The following ADAM2 variants were observed in gnomAD, a reference collection of about 807,000 sequenced individuals.
ADAM2 encodes disintegrin and metalloproteinase domain-containing protein 2.
A neutral mutation model predicts 99.3 loss-of-function variants in ADAM2; 101 were observed. That is an observed-to-expected ratio of 1.02 (90% CI 0.87 to 1.20). The LOEUF is 1.20. Ranked by LOEUF, ADAM2 falls within the 50% of genes most tolerant of loss-of-function variation. ADAM2 has a pLI of 0.00. For missense variants in ADAM2, 948 were observed against 878.7 expected (o/e 1.08, Z -1.00); for synonymous variants, 323 against 287.6 (o/e 1.12, Z -1.25).
At chr8:39,812,444 C>A (rs1804744426) in intron 6 of ADAM2, among the ~76,000 whole-genome samples, 1 of 151,896 alleles carries the variant, frequency 6.6e-6, no homozygotes, top group Admixed American at 6.6e-5. Context: ...TCATATGGAA[C>A]CAAAAATGAG....
Position 39,808,303 on chromosome 8 carries a change from CA to C in ADAM2, c.570+1106del, listed in dbSNP as rs1250819836. ...TTTTTTACACTACCAAATGAACAAT[CA>C]AAATGAAAATATGAGAAGTAATCAT... On this transcript the variant is annotated intron_variant, in intron 7 of 20. Coordinates refer to ENST00000265708, the MANE Select transcript of ADAM2 (RefSeq NM_001464.5). Among the ~76,000 whole-genome samples the C allele has an allele frequency of 4.8e-5, 7 of 144,654 alleles. No individual in the cohort carries two copies. In the Admixed American group the frequency reaches 5.1e-4, roughly 10 times the overall value. The allele number at this position is 144,654 out of a possible 152,430, so 94.9% of individuals were successfully genotyped here. A position where few individuals can be genotyped will look rare whatever the true frequency, so the allele number is the denominator to read the frequency against.
intron 6 of ADAM2, chr8:39,818,047 AGAG>A (rs1805025596): frequency 1.3e-5 from 2 of 152,056 alleles, no homozygotes; most frequent in South Asian, 4.1e-4. Context: ...CTTCCAGAAT[AGAG>A]GAGACAACAC....
At chr8:39,779,374 AT>A (rs1389561279) in intron 10 of ADAM2, among the ~76,000 whole-genome samples, 6 of 152,096 alleles carry the variant, frequency 3.9e-5, no homozygotes, top group African/African-American at 1.4e-4. Context: ...GTCCTATTGA[AT>A]TAGAGCCCCC....
At chr8:39,790,679 C>A (rs1233292281) in intron 7 of ADAM2, among the ~76,000 whole-genome samples, 1 of 151,928 alleles carries the variant, frequency 6.6e-6, no homozygotes, top group African/African-American at 2.4e-5. Context: ...CATAGTTTAA[C>A]ATCATAAAAT....
intron 6 of ADAM2, among the ~76,000 whole-genome samples, chr8:39,817,657 C>T (rs545284104): frequency 2.0e-5 from 3 of 151,912 alleles, no homozygotes; most frequent in East Asian, 1.9e-4. Context: ...TGATTTAAAA[C>T]GTTTAAAAAC....
chr8:39,780,461 G>T (rs978778709), intron 10 of ADAM2, among the ~76,000 whole-genome samples: 1 of 152,054 alleles, frequency 6.6e-6, no homozygotes, highest in African/African-American at 2.4e-5. Flanking sequence ...TAATATGTGG[G>T]TTATCTCATC....
At chr8:39,760,731 T>C (rs1037117861) in intron 15 of ADAM2, among the ~76,000 whole-genome samples, 2 of 133,148 alleles carry the variant, frequency 1.5e-5, no homozygotes, top group Non-Finnish European at 3.1e-5. Context: ...AAAAATAAAA[T>C]AAAAAAATAA....
rs1803022695 is a variant in ADAM2 at position 39,777,148 on chromosome 8, A to C, written c.905T>G (p.Ile302Arg). 6.2e-7 allele frequency: 1 copy of C among 1,611,202 alleles called. No individual in the cohort carries two copies. Among genetic ancestry groups the C allele is most frequent in the East Asian group, 2.2e-5 (1 of 44,790 alleles). Residue 302 changes from isoleucine to arginine, a missense_variant, in exon 11 of 21, where the codon ATA becomes AGA. By Grantham distance (97) the Ile-to-Arg change is moderately conservative (BLOSUM62 -3). Coordinates refer to ENST00000265708, the MANE Select transcript of ADAM2 (RefSeq NM_001464.5). ...AATAACTGCAAGTGATTCCAGACTT[A>C]TGGTTCTGGGGTGCTGAGAAAAAAA... ...AGGVVLHPRT[I>R]SLESLAVILA...
chr8:39,836,905 C>T (rs1349251304), intron 2 of ADAM2, among the ~76,000 whole-genome samples: 1 of 152,156 alleles, frequency 6.6e-6, no homozygotes, highest in African/African-American at 2.4e-5. Context: ...AAGAGGAAGA[C>T]AGATTCAGAA....
intron 7 of ADAM2, among the ~76,000 whole-genome samples, chr8:39,792,152 G>T (rs1803742408): frequency 6.6e-6 from 1 of 151,048 alleles, no homozygotes; most frequent in African/African-American, 2.4e-5. Flanking sequence ...ACATTCTAAA[G>T]TATCCAGTAC....
At chr8:39,763,354 G>T (rs982375132) in intron 14 of ADAM2, among the ~76,000 whole-genome samples, 4 of 152,178 alleles carry the variant, frequency 2.6e-5, no homozygotes, top group Non-Finnish European at 5.9e-5. Flanking sequence ...TGCATCCTGG[G>T]ATACTGGTTA....
At chr8:39,812,137 A>G (rs1804728542) in intron 6 of ADAM2, among the ~76,000 whole-genome samples, 1 of 152,210 alleles carries the variant, frequency 6.6e-6, no homozygotes, top group African/African-American at 2.4e-5. Context: ...AATAACAGAC[A>G]AACAGAGAGC....
At chr8:39,817,658 G>T (rs565283614) in intron 6 of ADAM2, among the ~76,000 whole-genome samples, 1 of 151,790 alleles carries the variant, frequency 6.6e-6, no homozygotes, top group Non-Finnish European at 1.5e-5. Context: ...GATTTAAAAC[G>T]TTTAAAAACT....
intron 8 of ADAM2, 84 bp from the exon 9 acceptor site, chr8:39,788,335 T>A (rs886672620): frequency 4.7e-6 from 4 of 857,044 alleles, no homozygotes; most frequent in Non-Finnish European, 6.7e-6. Flanking sequence ...AAATTTATGA[T>A]AAATATTAAA....
chr8:39,749,838 C>G lies in ADAM2; in HGVS notation c.1798-94G>C, dbSNP rs1349671347. ...CCATACCATACCATATTACCATGGA[C>G]TAATAAAAAGGGTATTGATTTAGCA... On this transcript the variant is annotated intron_variant, in intron 16 of 20. Transcript: ENST00000265708. 5.7e-6 allele frequency: 5 copies of G among 872,104 alleles called. No homozygotes were observed. The African/African-American group carries it at 6.8e-5, about 12-fold the overall frequency. The allele number at this position is 872,104 out of a possible 1,614,324, so 54.0% of individuals were successfully genotyped here. A position where few individuals can be genotyped will look rare whatever the true frequency, so the allele number is the denominator to read the frequency against.
chr8:39,812,152 T>A (rs1196539693), intron 6 of ADAM2, among the ~76,000 whole-genome samples: 2 of 152,120 alleles, frequency 1.3e-5, no homozygotes, highest in Non-Finnish European at 2.9e-5. Flanking sequence ...GAGAGCCAAA[T>A]CATGAGTAAA....
chr8:39,815,332 A>G (rs1804896498), intron 6 of ADAM2, among the ~76,000 whole-genome samples: 1 of 152,204 alleles, frequency 6.6e-6, no homozygotes, highest in Non-Finnish European at 1.5e-5. Flanking sequence ...ACATAATAAA[A>G]TGATTAATGG....
At position 39,755,781 on chromosome 8, in the gene ADAM2, C is replaced by A. The variant is rs752420702; in HGVS notation, c.1744G>T (p.Ala582Ser). 2.5e-6 allele frequency: 4 copies of A among 1,613,660 alleles called. No homozygotes were observed. The highest frequency in any genetic ancestry group is 3.4e-6 in the Non-Finnish European group (4 of 1,179,790). ...TTTATCCACATCTTTTGGCTGTCTG[C>A]ATGATCACTGGCAAATTCCACAGCA... ...CIAVEFASDH[A>S]DSQKMWIKDG... The change falls in exon 16 of 21, where the codon GCA becomes TCA. Residue 582 changes from alanine to serine, a missense_variant. Physicochemically the swap from Ala to Ser is moderately conservative, Grantham distance 99 (BLOSUM62 1). Transcript: ENST00000265708.
intron 11 of ADAM2, among the ~76,000 whole-genome samples, chr8:39,774,487 A>G (rs1182112510): frequency 6.7e-6 from 1 of 149,548 alleles, no homozygotes; most frequent in African/African-American, 2.4e-5. Context: ...AAAATTAATC[A>G]ATACCATTTC....
Sources: gnomAD v4.1 joint callset for allele counts (sites outside exome capture counted in the v4.1 genomes callset) on GRCh38, gnomAD v4.1.1 for gene constraint, MANE v1.5 for transcripts, NCBI Gene and HGNC (gene_info 2026-07-23, HGNC 2026-07-21) for gene names.